The following TUBB3 variants were observed in gnomAD, a reference collection of about 807,000 sequenced individuals.
The protein encoded by TUBB3 is tubulin beta 3 class III, also known as tubulin beta-3 chain.
In TUBB3, 17 loss-of-function variants were observed where a neutral mutation model predicts 37.8. The observed-to-expected ratio is 0.45, with a 90% CI of 0.31 to 0.67. The LOEUF (loss-of-function observed/expected upper bound fraction) is 0.67, where lower values mean the gene tolerates loss of function less well. TUBB3 is among the 30% of genes least tolerant of loss of function. The pLI is 0.07. For missense variants in TUBB3, 262 were observed against 657.9 expected (o/e 0.40, Z 6.58); for synonymous variants, 332 against 278.9 (o/e 1.19, Z -1.90).
At chr16:89,930,462 C>A (rs528026577) in intron 1 of TUBB3, among the ~76,000 whole-genome samples, 1 of 151,358 alleles carries the variant, frequency 6.6e-6, no homozygotes, top group Admixed American at 6.6e-5. Flanking sequence ...CTCACTCTGT[C>A]GCCCACGCTG....
chr16:89,932,387 C>T (rs1242375183), intron 1 of TUBB3, among the ~76,000 whole-genome samples, 184 bp from the exon 2 acceptor site: 1 of 152,150 alleles, frequency 6.6e-6, no homozygotes, highest in Non-Finnish European at 1.5e-5. Flanking sequence ...TGTGGAGGTG[C>T]ATATTTATTA....
chr16:89,923,452 G>A lies in TUBB3; in HGVS notation c.51G>A (p.Gly17=). 6.6e-7 allele frequency: 1 copy of A among 1,504,908 alleles called. No individual in the cohort carries two copies. The highest frequency in any genetic ancestry group is 8.9e-7 in the Non-Finnish European group (1 of 1,126,164). 93.2% of individuals were successfully genotyped at this position (1,504,908 alleles called of 1,614,324 possible). The change falls in exon 1 of 4, where the codon GGG becomes GGA. Residue 17 remains glycine, a synonymous_variant. Transcript: ENST00000315491. ...CCGGCCAGTGCGGCAACCAGATCGGGGCCAAGGTGAGGCTGCGCGCCCCGG... is the reference window on the plus strand; with the variant it reads ...CCGGCCAGTGCGGCAACCAGATCGGAGCCAAGGTGAGGCTGCGCGCCCCGG... ...IQAGQCGNQI[G]AKFWEVISDE...
chr16:89,933,776 C>T lies in TUBB3; in HGVS notation c.277+198C>T, dbSNP rs76149661. The T allele has an allele frequency of 0.012, 8,507 of 705,562 alleles. 484 individuals carry two copies. In the African/African-American group the frequency reaches 0.13, roughly 11 times the overall value. 43.7% of individuals were successfully genotyped at this position (705,562 alleles called of 1,614,324 possible). On this transcript the variant is annotated intron_variant, in intron 3 of 3. Transcript: ENST00000315491. ...TTCTGTGGGGAGAACAGAAACCACT[C>T]ATGCATTTCAAGTGGAATGAAGTGT... is the stretch of plus-strand genomic sequence containing the variant.
chr16:89,924,653 G>C (rs2030009112), intron 1 of TUBB3, among the ~76,000 whole-genome samples: 1 of 152,094 alleles, frequency 6.6e-6, no homozygotes, highest in African/African-American at 2.4e-5. Context: ...AACAGGGCCA[G>C]CCACGTGGCT....
Position 89,935,375 on chromosome 16 carries a change from C to G in TUBB3, c.924C>G (p.Gly308=). The stretch of plus-strand genomic sequence containing the variant: ...TGGCCGCCTGCGACCCGCGCCACGG[C>G]CGCTACCTGACGGTGGCCACCGTGT... ...NMMAACDPRH[G]RYLTVATVFR... The change falls in exon 4 of 4, where the codon GGC becomes GGG. Residue 308 remains glycine (G), a synonymous_variant. Coordinates refer to ENST00000315491, the MANE Select transcript of TUBB3 (RefSeq NM_006086.4). 1.9e-6 allele frequency: 3 copies of G among 1,614,156 alleles called. No individual in the cohort carries two copies. Among genetic ancestry groups the G allele is most frequent in the Non-Finnish European group, 1.7e-6 (2 of 1,180,044 alleles).
Position 89,933,595 on chromosome 16 carries a change from C to T in TUBB3, c.277+17C>T. On this transcript the variant is annotated intron_variant, in intron 3 of 3. Coordinates refer to ENST00000315491, the MANE Select transcript of TUBB3 (RefSeq NM_006086.4). ...TCATCTTTGGTAAGTTCCCCCTGCTCCAAGCTCTGATGGCAGACCCCATCA... is the reference window on the plus strand; with the variant it reads ...TCATCTTTGGTAAGTTCCCCCTGCTTCAAGCTCTGATGGCAGACCCCATCA... The T allele has an allele frequency of 7.5e-6, 12 of 1,601,554 alleles. No individual in the cohort carries two copies. Among genetic ancestry groups the T allele is most frequent in the Non-Finnish European group, 9.4e-6 (11 of 1,168,546 alleles).
chr16:89,926,263 G>C (rs572480545), intron 1 of TUBB3, among the ~76,000 whole-genome samples: 1 of 152,290 alleles, frequency 6.6e-6, no homozygotes, highest in South Asian at 2.1e-4. Context: ...CTGCGGGGCG[G>C]GGCTGGGGGC....
intron 2 of TUBB3, chr16:89,933,125 G>A (rs752003975): frequency 3.5e-6 from 2 of 576,014 alleles, no homozygotes; most frequent in South Asian, 1.6e-5. Context: ...AGACAGTCTC[G>A]ATATGTTGCC....
intron 1 of TUBB3, among the ~76,000 whole-genome samples, chr16:89,932,282 C>T (rs2030305107): frequency 6.6e-6 from 1 of 152,250 alleles, no homozygotes; most frequent in African/African-American, 2.4e-5. Flanking sequence ...GCTCCAGGCC[C>T]TTGCCAGCAG....
rs897182413 is a variant in TUBB3, at chr16:89,936,057, T to C, written c.*253T>C. The C allele has an allele frequency of 1.0e-5, 6 of 585,758 alleles. No homozygotes were observed. The African/African-American group carries it at 1.1e-4, about 11-fold the overall frequency. The allele number at this position is 585,758 out of a possible 1,614,324, so 36.3% of individuals were successfully genotyped here. A position where few individuals can be genotyped will look rare whatever the true frequency, so the allele number is the denominator to read the frequency against. On this transcript the variant is annotated 3_prime_UTR_variant, in exon 4 of 4. Coordinates refer to ENST00000315491, the MANE Select transcript of TUBB3 (RefSeq NM_006086.4). ...TTTTTTACTGGTTTGTGTTTATATT[T>C]TCGGGGATACTTAATAAATCTATTG...
Position 89,936,002 on chromosome 16 carries a change from C to G in TUBB3, c.*198C>G, listed in dbSNP as rs1309429240. On this transcript the variant is annotated 3_prime_UTR_variant, in exon 4 of 4. Transcript: ENST00000315491. ...AGCTGCTCCTGTCTCTGTCTTATTG[C>G]AGCTCCAGGCCTGACGTTTTACGGT... 2.7e-5 allele frequency: 18 copies of G among 661,186 alleles called. No individual in the cohort carries two copies. The highest frequency in any genetic ancestry group is 3.8e-5 in the Non-Finnish European group (15 of 390,196). The allele number at this position is 661,186 out of a possible 1,614,324, so 41.0% of individuals were successfully genotyped here. A position where few individuals can be genotyped will look rare whatever the true frequency, so the allele number is the denominator to read the frequency against.
chr16:89,922,143 T>G (rs546242272), upstream of TUBB3: 1 of 152,586 alleles, frequency 6.6e-6, no homozygotes, highest in East Asian at 1.9e-4. Context: ...TTTCTCGACT[T>G]TCCAAACTGG....
chr16:89,925,930 G>T (rs2030060630), intron 1 of TUBB3, among the ~76,000 whole-genome samples: 1 of 152,266 alleles, frequency 6.6e-6, no homozygotes, highest in Non-Finnish European at 1.5e-5. Flanking sequence ...TCACCCCTGC[G>T]CTGGGAGCCG....
At chr16:89,922,961 A>G (rs1282946699), upstream of TUBB3, among the ~76,000 whole-genome samples, 2 of 152,202 alleles carry the variant, frequency 1.3e-5, no homozygotes, top group Non-Finnish European at 2.9e-5. Context: ...GGCGTGGGGA[A>G]AAAAGACCCT....
chr16:89,931,402 T>C (rs2030273401), intron 1 of TUBB3, among the ~76,000 whole-genome samples: 1 of 152,220 alleles, frequency 6.6e-6, no homozygotes, highest in African/African-American at 2.4e-5. Flanking sequence ...CAAGGGGCAT[T>C]GGGAGAGGTC....
At chr16:89,934,418 C>T (rs374125392) in intron 3 of TUBB3, 23 of 552,006 alleles carry the variant, frequency 4.2e-5, no homozygotes, top group Middle Eastern at 2.7e-4. Context: ...CACTGCCAGT[C>T]GGAAGGAAGG....
intron 1 of TUBB3, among the ~76,000 whole-genome samples, chr16:89,931,030 T>C (rs1196268934): frequency 6.6e-6 from 1 of 152,012 alleles, no homozygotes; most frequent in Admixed American, 6.6e-5. Context: ...GGTTTCACCA[T>C]GTTAGCCAGG....
In TUBB3 at chr16:89,935,867, C is replaced by A. The variant is rs1381769721; in HGVS notation, c.*63C>A. The A allele has an allele frequency of 2.6e-6, 4 of 1,541,294 alleles. No homozygotes were observed. The African/African-American group carries it at 5.5e-5, about 21-fold the overall frequency. ...GGGGCCGAAGCCAGCAGTGTCTAAACCCCCGGAGCCATCTTGCTGCCGACA... is the reference window on the plus strand; with the variant it reads ...GGGGCCGAAGCCAGCAGTGTCTAAAACCCCGGAGCCATCTTGCTGCCGACA... On this transcript the variant is annotated 3_prime_UTR_variant, in exon 4 of 4. Coordinates refer to ENST00000315491, the MANE Select transcript of TUBB3 (RefSeq NM_006086.4).
chr16:89,926,048 G>T (rs1030075486), intron 1 of TUBB3, among the ~76,000 whole-genome samples: 1 of 152,184 alleles, frequency 6.6e-6, no homozygotes, highest in African/African-American at 2.4e-5. Context: ...CACCCCGGGG[G>T]GGGCAGGGGC....
Sources: allele counts gnomAD v4.1 joint callset (sites outside exome capture counted in the v4.1 genomes callset), GRCh38; gene constraint gnomAD v4.1.1; transcripts MANE v1.5; gene names NCBI Gene and HGNC (gene_info 2026-07-23, HGNC 2026-07-21).